ULK4: variants seen among roughly 807,000 people sequenced by gnomAD.
ULK4 encodes the protein unc-51 like kinase 4.
In ULK4, 133 loss-of-function variants were observed where a neutral mutation model predicts 160.6. The ratio of observed to expected loss-of-function variants is 0.83; its 90% confidence interval spans 0.72 to 0.96. ULK4 has a LOEUF of 0.96. Among genes scored for constraint, ULK4 ranks in the 40% least tolerant of loss-of-function variants. The probability of loss-of-function intolerance (pLI) is 0.00; values close to 1 mark genes in which losing one functional copy is unlikely to be tolerated. For synonymous variants in ULK4, 534 were observed against 539.8 expected (o/e 0.99, Z 0.15); for missense variants, 1,580 against 1,499.5 (o/e 1.05, Z -0.89).
intron 17 of ULK4, among the ~76,000 whole-genome samples, chr3:41,855,293 G>C (rs1040723983): frequency 2.0e-5 from 3 of 152,174 alleles, no homozygotes; most frequent in African/African-American, 7.2e-5. Context: ...AACAAAACCT[G>C]ATGAATATGG....
intron 30 of ULK4, among the ~76,000 whole-genome samples, chr3:41,623,072 C>G (rs2033332727): frequency 1.3e-5 from 2 of 152,156 alleles, no homozygotes; most frequent in African/African-American, 4.8e-5. Context: ...AAATCATATT[C>G]CTTTCTACTA....
At position 41,323,409 on chromosome 3, in the gene ULK4, C is replaced by CACAG. The variant is rs1439350240; in HGVS notation, c.3679-73836_3679-73835insCTGT. Among the ~76,000 whole-genome samples, 7 of 144,402 alleles carry CACAG rather than the reference C, an allele frequency of 4.8e-5. No individual in the cohort carries two copies. The South Asian group carries it at 1.5e-3, about 30-fold the overall frequency. 94.7% of individuals were successfully genotyped at this position (144,402 alleles called of 152,430 possible). On this transcript the variant is annotated intron_variant, in intron 35 of 36. Coordinates refer to ENST00000301831, the MANE Select transcript of ULK4 (RefSeq NM_017886.4). ...GAACAATAACACACACACACACACA[C>CACAG]ACACACACACACACACACACACACA... is the stretch of plus-strand genomic sequence containing the variant.
chr3:41,436,242 T>C lies in ULK4; in HGVS notation c.3492+19255A>G, dbSNP rs150964817. The stretch of plus-strand genomic sequence containing the variant: ...TGAGCACATATAAGGTAGGCGAGGC[T>C]AAGCTATGATGTTTGGTAGGTTTAG... On this transcript the variant is annotated intron_variant, in intron 34 of 36. Transcript: ENST00000301831. 4.2e-3 allele frequency among the ~76,000 whole-genome samples: 634 copies of C among 152,342 alleles called. 4 individuals carry two copies. Among genetic ancestry groups the C allele is most frequent in the African/African-American group, 0.015 (607 of 41,576 alleles).
intron 35 of ULK4, among the ~76,000 whole-genome samples, chr3:41,327,713 T>C (rs542589580): frequency 1.3e-5 from 2 of 152,228 alleles, no homozygotes; most frequent in Non-Finnish European, 2.9e-5. Context: ...GTGATGCTAA[T>C]TAGGATGATA....
intron 35 of ULK4, among the ~76,000 whole-genome samples, chr3:41,359,206 T>C (rs59525888): frequency 0.049 from 7,422 of 152,164 alleles, 428 homozygotes; most frequent in East Asian, 0.21. Context: ...ATGAGAAGCC[T>C]GAGGTGCCAA....
chr3:41,957,260 C>T (rs1700513235), intron 1 of ULK4, among the ~76,000 whole-genome samples: 3 of 151,772 alleles, frequency 2.0e-5, no homozygotes. Flanking sequence ...TTGAGACCAG[C>T]CTGACCAACA....
At chr3:41,290,083 C>A (rs2079533241) in intron 35 of ULK4, among the ~76,000 whole-genome samples, 2 of 152,160 alleles carry the variant, frequency 1.3e-5, no homozygotes, top group Non-Finnish European at 2.9e-5. Context: ...CCATGTTGGT[C>A]AGGCTGGTCT....
chr3:41,328,327 GCT>G (rs1458277596), intron 35 of ULK4, among the ~76,000 whole-genome samples: 1 of 152,156 alleles, frequency 6.6e-6, no homozygotes, highest in Non-Finnish European at 1.5e-5. Context: ...GGGCCAACTA[GCT>G]CTGTTTCCTA....
Position 41,831,595 on chromosome 3 carries a change from A to T in ULK4, c.1764+4269T>A, listed in dbSNP as rs566243330. On this transcript the variant is annotated intron_variant, in intron 18 of 36. Coordinates refer to ENST00000301831, the MANE Select transcript of ULK4 (RefSeq NM_017886.4). ...TGTGCAGGACGTGCAGGTTTGTTAC[A>T]TAGGTATACGTGTGCCAGAGTGGTT... Among the ~76,000 whole-genome samples, 132 of 151,364 alleles carry T rather than the reference A, an allele frequency of 8.7e-4. 2 individuals carry two copies. The highest frequency in any genetic ancestry group is 3.1e-3 in the African/African-American group (128 of 41,090).
At chr3:41,472,573 GAAA>G (rs796797629) in intron 32 of ULK4, among the ~76,000 whole-genome samples, 2 of 89,586 alleles carry the variant, frequency 2.2e-5, no homozygotes, top group African/African-American at 7.5e-5. Context: ...TCAAAAAAAA[GAAA>G]AAAAAAAAAA....
At chr3:41,542,869 T>C (rs533618281) in intron 32 of ULK4, among the ~76,000 whole-genome samples, 1 of 152,228 alleles carries the variant, frequency 6.6e-6, no homozygotes, top group African/African-American at 2.4e-5. Flanking sequence ...ATTGTATCAT[T>C]AGATGCAACT....
At chr3:41,736,814 T>C (rs1051839850) in intron 22 of ULK4, among the ~76,000 whole-genome samples, 3 of 151,676 alleles carry the variant, frequency 2.0e-5, no homozygotes, top group South Asian at 2.1e-4. Flanking sequence ...TCTAGGGTTT[T>C]TATGGTTTTA....
intron 17 of ULK4, among the ~76,000 whole-genome samples, chr3:41,852,380 T>C (rs750312173): frequency 2.0e-5 from 3 of 152,196 alleles, no homozygotes; most frequent in Non-Finnish European, 4.4e-5. Flanking sequence ...AAATTAGGTA[T>C]CGAATTGCAA....
intron 21 of ULK4, among the ~76,000 whole-genome samples, chr3:41,762,923 A>T (rs1223988477): frequency 6.6e-6 from 1 of 152,106 alleles, no homozygotes; most frequent in Non-Finnish European, 1.5e-5. Context: ...TCAGCCTCCC[A>T]AAATGCTGGG....
chr3:41,249,366 T>C (rs2125665939), intron 36 of ULK4, 123 bp downstream of exon 36: 2 of 865,208 alleles, frequency 2.3e-6, no homozygotes, highest in South Asian at 1.8e-5. Context: ...CAGTGGACAG[T>C]GATGGGCTGG....
chr3:41,542,071 G>C (rs1575386054), intron 32 of ULK4, among the ~76,000 whole-genome samples: 1 of 152,144 alleles, frequency 6.6e-6, no homozygotes, highest in East Asian at 1.9e-4. Flanking sequence ...GGAGTGGTGA[G>C]AGAGGGCATC....
intron 5 of ULK4, among the ~76,000 whole-genome samples, chr3:41,924,007 G>A (rs1271681017): frequency 6.6e-6 from 1 of 152,174 alleles, no homozygotes; most frequent in Non-Finnish European, 1.5e-5. Context: ...TAGCAGCTAT[G>A]TGACACTACT....
chr3:41,699,566 T>G (rs991737218), intron 27 of ULK4, among the ~76,000 whole-genome samples: 8 of 152,326 alleles, frequency 5.3e-5, no homozygotes, highest in Admixed American at 4.6e-4. Flanking sequence ...TAGGCCAGAT[T>G]GATGATTTCA....
chr3:41,391,582 G>C (rs1384755290), intron 35 of ULK4, among the ~76,000 whole-genome samples: 2 of 151,514 alleles, frequency 1.3e-5, no homozygotes, highest in African/African-American at 2.4e-5. Flanking sequence ...ACCCAACCTG[G>C]TACTAAAATA....
Sources: gnomAD v4.1 joint callset for allele counts (sites outside exome capture counted in the v4.1 genomes callset) on GRCh38, gnomAD v4.1.1 for gene constraint, MANE v1.5 for transcripts, NCBI Gene and HGNC (gene_info 2026-07-23, HGNC 2026-07-21) for gene names.